Variants in PPP6R3 observed in about 807,000 individuals in gnomAD.
PPP6R3 encodes the protein protein phosphatase 6 regulatory subunit 3.
PPP6R3 carries 38 observed loss-of-function variants against 110.7 expected under a neutral mutation model. That is an observed-to-expected ratio of 0.34 (90% CI 0.26 to 0.45). The LOEUF (loss-of-function observed/expected upper bound fraction) is 0.45. PPP6R3 is among the 20% of genes least tolerant of loss of function. The pLI, the probability that PPP6R3 is intolerant of heterozygous loss-of-function variation, is 1.00. For missense variants in PPP6R3, 870 were observed against 1,062.4 expected, an observed-to-expected ratio of 0.82 and a Z score of 2.52; for synonymous variants, 369 against 373.5, an observed-to-expected ratio of 0.99 and a Z score of 0.14.
intron 18 of PPP6R3, among the ~76,000 whole-genome samples, chr11:68,594,962 G>T (rs964020049): frequency 6.6e-6 from 1 of 152,174 alleles, no homozygotes; most frequent in African/African-American, 2.4e-5. Flanking sequence ...AGGCAATTCA[G>T]TGAAGAAAGG....
In PPP6R3 at chr11:68,613,632, T is replaced by TA; in HGVS notation, c.*516dup. On this transcript the variant is annotated 3_prime_UTR_variant, in exon 24 of 24. Coordinates refer to ENST00000393800, the MANE Select transcript of PPP6R3 (RefSeq NM_001164161.2). ...AAGTGTTATTTTGGTTGTTCTAACT[T>TA]ACAAAAGTGATTTTGAATAAGAAAT... 1.0e-6 allele frequency: 1 copy of TA among 985,734 alleles called. No homozygotes were observed. The highest frequency in any genetic ancestry group is 1.7e-5 in the African/African-American group (1 of 57,368). 61.1% of individuals were successfully genotyped at this position (985,734 alleles called of 1,614,324 possible). A position where few individuals can be genotyped will look rare whatever the true frequency, so the allele number is the denominator to read the frequency against.
At chr11:68,612,068 G>A (rs992653148) in intron 23 of PPP6R3, among the ~76,000 whole-genome samples, 1 of 152,200 alleles carries the variant, frequency 6.6e-6, no homozygotes, top group African/African-American at 2.4e-5. Context: ...CGTGGGGAGG[G>A]TTCTTTTCCC....
chr11:68,517,413 G>A (rs188446493), intron 1 of PPP6R3, among the ~76,000 whole-genome samples: 30 of 152,250 alleles, frequency 2.0e-4, no homozygotes, highest in East Asian at 1.9e-4. Flanking sequence ...ATCTATGAAC[G>A]TACTTTGCTC....
chr11:68,497,020 C>T (rs2099020897), intron 1 of PPP6R3, among the ~76,000 whole-genome samples: 1 of 150,674 alleles, frequency 6.6e-6, no homozygotes, highest in African/African-American at 2.4e-5. Flanking sequence ...CACCTCCACG[C>T]CCGGCTAATT....
At chr11:68,612,324 TC>T (rs1316960155) in intron 23 of PPP6R3, among the ~76,000 whole-genome samples, 1 of 152,208 alleles carries the variant, frequency 6.6e-6, no homozygotes, top group East Asian at 1.9e-4. Flanking sequence ...TGAGTAGCAT[TC>T]TAGCTGTAAA....
At chr11:68,540,834 C>T (rs77210666) in intron 3 of PPP6R3, among the ~76,000 whole-genome samples, 7,212 of 152,274 alleles carry the variant, frequency 0.047, 609 homozygotes, top group African/African-American at 0.16. Context: ...GGCTCACCTG[C>T]GGTCAGAGTT....
chr11:68,529,799 A>G (rs2099226537), intron 2 of PPP6R3, among the ~76,000 whole-genome samples: 1 of 152,236 alleles, frequency 6.6e-6, no homozygotes, highest in Admixed American at 6.5e-5. Context: ...GAGGAAAAAC[A>G]TGGCCTATAA....
intron 1 of PPP6R3, among the ~76,000 whole-genome samples, chr11:68,481,849 A>G (rs1348915117): frequency 6.6e-6 from 1 of 152,014 alleles, no homozygotes; most frequent in Non-Finnish European, 1.5e-5. Context: ...TTGGTTCTTT[A>G]TATGTGTTAC....
intron 8 of PPP6R3, among the ~76,000 whole-genome samples, chr11:68,560,586 T>A (rs1036523476): frequency 6.6e-6 from 1 of 152,162 alleles, no homozygotes; most frequent in African/African-American, 2.4e-5. Flanking sequence ...CAAAGAAAAC[T>A]CCTGGCCTAG....
At chr11:68,568,489 T>C (rs61889593) in intron 10 of PPP6R3, among the ~76,000 whole-genome samples, 4,844 of 152,288 alleles carry the variant, frequency 0.032, 102 homozygotes, top group Non-Finnish European at 0.049. Flanking sequence ...TTCCAAAATA[T>C]GGCATTTTGT....
Position 68,576,018 on chromosome 11 carries a change from C to CT in PPP6R3, c.1521dup (p.Asn508Ter). 6.2e-7 allele frequency: 1 copy of CT among 1,610,326 alleles called. No individual in the cohort carries two copies. Among genetic ancestry groups the CT allele is most frequent in the Non-Finnish European group, 8.5e-7 (1 of 1,177,170 alleles). ...TTCTGCACAAGCTCCTTAGGAGAAACTAACAAGAGGAACACGGTAGATCTA... is the reference window on the plus strand; with the variant it reads ...TTCTGCACAAGCTCCTTAGGAGAAACTTAACAAGAGGAACACGGTAGATCTA... On this transcript the variant is annotated frameshift_variant, in exon 14 of 24. Coordinates refer to ENST00000393800, the MANE Select transcript of PPP6R3 (RefSeq NM_001164161.2). LOFTEE classifies it high-confidence loss of function.
intron 1 of PPP6R3, among the ~76,000 whole-genome samples, chr11:68,515,817 G>C (rs1169678930): frequency 6.6e-6 from 1 of 152,216 alleles, no homozygotes; most frequent in African/African-American, 2.4e-5. Flanking sequence ...GAGTGGAAGA[G>C]AGGGAGGACA....
At chr11:68,596,616 C>A (rs1386296835) in intron 19 of PPP6R3, among the ~76,000 whole-genome samples, 1 of 152,182 alleles carries the variant, frequency 6.6e-6, no homozygotes, top group East Asian at 1.9e-4. Flanking sequence ...GGGGACGCAG[C>A]CTTAGCTTAA....
At chr11:68,565,881 A>G (rs115395267) in intron 9 of PPP6R3, among the ~76,000 whole-genome samples, 93 of 152,258 alleles carry the variant, frequency 6.1e-4, no homozygotes, top group African/African-American at 2.1e-3. Context: ...GCTGTTTTCC[A>G]TAGAGAGCAG....
At chr11:68,596,394 A>G (rs1043190353) in intron 19 of PPP6R3, among the ~76,000 whole-genome samples, 176 bp downstream of exon 19, 1 of 152,236 alleles carries the variant, frequency 6.6e-6, no homozygotes, top group African/African-American at 2.4e-5. Context: ...GCTTCAGGGA[A>G]GGAGCACAGA....
At chr11:68,582,613 GTGGCGCAC>G (rs534291624) in intron 14 of PPP6R3, among the ~76,000 whole-genome samples, 11 of 152,256 alleles carry the variant, frequency 7.2e-5, no homozygotes, top group African/African-American at 1.9e-4. Context: ...GACCTTTTGA[GTGGCGCAC>G]TGGCGCACTG....
rs2099446712 is a variant in PPP6R3 at position 68,564,306 on chromosome 11, T to C, written c.849T>C (p.Phe283=). Residue 283 remains phenylalanine (F), a synonymous_variant, in exon 9 of 24, where the codon TTT becomes TTC. Transcript: ENST00000393800. ...LTLLETRRPT[F]EGHIEICPPG... The stretch of plus-strand genomic sequence containing the variant: ...AAATTCCTTGCTTTGTTTCAAGATT[T>C]GAAGGCCATATAGAGATCTGCCCAC... The C allele has an allele frequency of 1.9e-6, 3 of 1,602,784 alleles. No homozygotes were observed. In the East Asian group the frequency reaches 6.7e-5, roughly 36 times the overall value.
chr11:68,461,656 C>G (rs753986101), intron 1 of PPP6R3, among the ~76,000 whole-genome samples: 1 of 152,114 alleles, frequency 6.6e-6, no homozygotes, highest in East Asian at 1.9e-4. Context: ...GGATGTACCT[C>G]CGTGCCCTGA....
At chr11:68,606,325 T>C (rs1325491358) in intron 22 of PPP6R3, among the ~76,000 whole-genome samples, 1 of 152,074 alleles carries the variant, frequency 6.6e-6, no homozygotes, top group Non-Finnish European at 1.5e-5. Context: ...TCTTCTTCTT[T>C]CTTCTTTCTT....
Sources: allele counts gnomAD v4.1 joint callset (sites outside exome capture counted in the v4.1 genomes callset), GRCh38; gene constraint gnomAD v4.1.1; transcripts MANE v1.5; gene names NCBI Gene and HGNC (gene_info 2026-07-23, HGNC 2026-07-21).